The following NDFIP1 variants were observed in gnomAD, a reference collection of about 807,000 sequenced individuals.
NDFIP1 encodes NEDD4 family-interacting protein 1.
A neutral mutation model predicts 28.8 loss-of-function variants in NDFIP1; 7 were observed. The observed-to-expected ratio is 0.24, with a 90% confidence interval of 0.14 to 0.46. NDFIP1 has a LOEUF of 0.46. NDFIP1 is among the 20% of genes least tolerant of loss of function. The probability of loss-of-function intolerance (pLI) is 0.99; values close to 1 mark genes in which losing one functional copy is unlikely to be tolerated. For synonymous variants in NDFIP1, 92 were observed against 101.0 expected, an observed-to-expected ratio of 0.91 and a Z score of 0.53; for missense variants, 194 against 269.1, an observed-to-expected ratio of 0.72 and a Z score of 1.95.
rs183026842 is a variant in NDFIP1 at position 142,123,421 on chromosome 5, A to C, written c.64-8387A>C. ...AGTGCTGGGATTACAGGTGAGATCC[A>C]CCATGTCCAGCCATAAAATAATTCT... On this transcript the variant is annotated intron_variant, in intron 1 of 7. Coordinates refer to ENST00000253814, the MANE Select transcript of NDFIP1 (RefSeq NM_030571.4). Among the ~76,000 whole-genome samples the C allele has an allele frequency of 3.3e-4, 50 of 152,282 alleles. 1 individual carries two copies. Among genetic ancestry groups the C allele is most frequent in the African/African-American group, 1.2e-3 (49 of 41,546 alleles).
chr5:142,133,847 A>G (rs937113232), intron 3 of NDFIP1, among the ~76,000 whole-genome samples: 11 of 152,234 alleles, frequency 7.2e-5, no homozygotes, highest in Middle Eastern at 3.2e-3. Context: ...AGGGCCCACA[A>G]ATACTGATAA....
intron 1 of NDFIP1, among the ~76,000 whole-genome samples, chr5:142,122,865 C>T (rs1757134166): frequency 6.6e-6 from 1 of 151,878 alleles, no homozygotes; most frequent in Non-Finnish European, 1.5e-5. Context: ...GATATAAGTC[C>T]ATTGTCTGAA....
intron 1 of NDFIP1, among the ~76,000 whole-genome samples, chr5:142,117,388 C>T (rs773860484): frequency 6.6e-6 from 1 of 151,674 alleles, no homozygotes; most frequent in Non-Finnish European, 1.5e-5. Flanking sequence ...GGACTACAGG[C>T]GCCCGCTATC....
At chr5:142,144,817 C>G (rs914430711) in intron 7 of NDFIP1, 141 bp downstream of exon 7, 2 of 501,826 alleles carry the variant, frequency 4.0e-6, no homozygotes, top group Non-Finnish European at 3.6e-6. Context: ...TTAGCAGTTT[C>G]TTGTCTAGTA....
At chr5:142,135,281 T>A (rs1757262522) in intron 3 of NDFIP1, among the ~76,000 whole-genome samples, 1 of 152,090 alleles carries the variant, frequency 6.6e-6, no homozygotes, top group African/African-American at 2.4e-5. Flanking sequence ...CCTGGCTGAT[T>A]TTATCTCTAA....
intron 7 of NDFIP1, among the ~76,000 whole-genome samples, chr5:142,148,542 G>T (rs1757413935): frequency 6.6e-6 from 1 of 152,030 alleles, no homozygotes; most frequent in Admixed American, 6.6e-5. Flanking sequence ...CCTGAGGTTA[G>T]AAGTTTGAGA....
intron 7 of NDFIP1, among the ~76,000 whole-genome samples, chr5:142,150,180 CAAAAAAA>C (rs761699097): frequency 3.4e-4 from 27 of 79,366 alleles, no homozygotes; most frequent in African/African-American, 1.5e-3. Flanking sequence ...GACTCCGTCT[CAAAAAAA>C]AAAAAAAAAA....
chr5:142,115,537 G>A (rs933556208), intron 1 of NDFIP1, among the ~76,000 whole-genome samples: 1 of 152,110 alleles, frequency 6.6e-6, no homozygotes, highest in African/African-American at 2.4e-5. Flanking sequence ...TGCCCGCCTC[G>A]GTCTCCCAAA....
At chr5:142,126,999 A>G (rs371522651) in intron 1 of NDFIP1, among the ~76,000 whole-genome samples, 2 of 145,134 alleles carry the variant, frequency 1.4e-5, no homozygotes, top group Non-Finnish European at 3.0e-5. Flanking sequence ...GGAAAAAAAA[A>G]CGCTCTATTT....
chr5:142,118,029 C>T (rs1164195929), intron 1 of NDFIP1, among the ~76,000 whole-genome samples: 1 of 152,102 alleles, frequency 6.6e-6, no homozygotes, highest in African/African-American at 2.4e-5. Flanking sequence ...GCCAGCACAC[C>T]CAGCTGAAAC....
intron 1 of NDFIP1, among the ~76,000 whole-genome samples, chr5:142,119,140 CA>C (rs748134382): frequency 6.6e-6 from 1 of 152,164 alleles, no homozygotes; most frequent in Non-Finnish European, 1.5e-5. Context: ...TTAAGCTAAA[CA>C]TAAGTTCATA....
chr5:142,150,519 C>G (rs1413767953), intron 7 of NDFIP1, among the ~76,000 whole-genome samples: 1 of 151,876 alleles, frequency 6.6e-6, no homozygotes, highest in Non-Finnish European at 1.5e-5. Context: ...TAGTCTCTCT[C>G]CATTTTGGCA....
intron 1 of NDFIP1, among the ~76,000 whole-genome samples, chr5:142,119,952 A>AATT (rs969777809): frequency 3.9e-5 from 6 of 152,090 alleles, no homozygotes; most frequent in East Asian, 1.9e-4. Context: ...CTTGTTGTCA[A>AATT]ATTATTATTA....
chr5:142,112,369 G>A (rs1008381612), intron 1 of NDFIP1, among the ~76,000 whole-genome samples: 4 of 150,088 alleles, frequency 2.7e-5, no homozygotes, highest in African/African-American at 9.8e-5. Context: ...TGGCGACAGA[G>A]CAAGACTCTG....
At position 142,135,630 on chromosome 5, in the gene NDFIP1, A is replaced by C. The variant is rs540920217; in HGVS notation, c.283-100A>C. 4.1e-5 allele frequency: 41 copies of C among 991,400 alleles called. 1 individual carries two copies. The East Asian group carries it at 9.2e-4, about 22-fold the overall frequency. The allele number at this position is 991,400 out of a possible 1,614,324, so 61.4% of individuals were successfully genotyped here. ...TTTAATGCTCATAATTTTGAACTGA[A>C]CCAAAGCAATAACTTTTTTCCTTGC... On this transcript the variant is annotated intron_variant, in intron 3 of 7. Coordinates refer to ENST00000253814, the MANE Select transcript of NDFIP1 (RefSeq NM_030571.4).
intron 1 of NDFIP1, among the ~76,000 whole-genome samples, chr5:142,112,577 G>A (rs919929623): frequency 2.3e-4 from 34 of 148,250 alleles, no homozygotes; most frequent in Middle Eastern, 3.7e-3. Flanking sequence ...GGATCACAAG[G>A]TCAGGAGATC....
Position 142,132,280 on chromosome 5 carries a change from C to T in NDFIP1, c.220C>T (p.Pro74Ser), listed in dbSNP as rs1334981401. The change falls in exon 3 of 8, where the codon CCC (proline) becomes TCC (serine). Residue 74 changes from proline to serine, a missense_variant. Transcript: ENST00000253814. ...ATCTTACAATGTAGCTACAACACTG[C>T]CCAGTTATGATGAAGCGGAGAGGAC... The part of the protein sequence containing the change: ...PPSYNVATTL[P>S]SYDEAERTKA... 2.7e-5 allele frequency: 43 copies of T among 1,613,958 alleles called. No individual in the cohort carries two copies. The highest frequency in any genetic ancestry group is 3.6e-5 in the Non-Finnish European group (43 of 1,179,966).
Position 142,108,795 on chromosome 5 carries a change from C to A in NDFIP1, c.-180C>A. On this transcript the variant is annotated 5_prime_UTR_variant, in exon 1 of 8. Transcript: ENST00000253814. ...CTCTTCCCCAGGGGCCGCGTCGGAG[C>A]CTCGGCGGCGGCGGCGGTGCTTACA... 1 of 451,302 alleles carries A rather than the reference C, an allele frequency of 2.2e-6. No individual in the cohort carries two copies. The highest frequency in any genetic ancestry group is 5.4e-5 in the South Asian group (1 of 18,508). 28.0% of individuals were successfully genotyped at this position (451,302 alleles called of 1,614,324 possible). A position where few individuals can be genotyped will look rare whatever the true frequency, so the allele number is the denominator to read the frequency against.
At chr5:142,140,730 TATATTAA>T in intron 6 of NDFIP1, 101 bp downstream of exon 6, 24 of 862,154 alleles carry the variant, frequency 2.8e-5, no homozygotes, top group Non-Finnish European at 3.7e-5. Context: ...TGTATAGTAA[TATATTAA>T]CAATTAATAA....
Sources: allele counts gnomAD v4.1 joint callset (sites outside exome capture counted in the v4.1 genomes callset), GRCh38; gene constraint gnomAD v4.1.1; transcripts MANE v1.5; gene names NCBI Gene and HGNC (gene_info 2026-07-23, HGNC 2026-07-21).